The following CLIP1 variants were observed in gnomAD, a reference collection of about 807,000 sequenced individuals.
CLIP1 encodes the protein CAP-Gly domain-containing linker protein 1.
Under a neutral mutation model 161.6 loss-of-function variants are expected in CLIP1, and 66 were observed. That is an observed-to-expected ratio of 0.41 (90% CI 0.33 to 0.50). The LOEUF is 0.50. Among genes scored for constraint, CLIP1 ranks in the 20% least tolerant of loss-of-function variants. The pLI is 0.27. For missense variants in CLIP1, 1,376 were observed against 1,702.0 expected (o/e 0.81, Z 3.37); for synonymous variants, 598 against 626.2 (o/e 0.96, Z 0.67).
rs932422634 is a variant in CLIP1, at chr12:122,341,771, T to C, written c.1507-74A>G. The C allele has an allele frequency of 8.1e-4, 371 of 458,940 alleles. 1 individual carries two copies. Among genetic ancestry groups the C allele is most frequent in the Non-Finnish European group, 1.6e-4 (56 of 347,870 alleles). The allele number at this position is 458,940 out of a possible 1,614,324, so 28.4% of individuals were successfully genotyped here. A position where few individuals can be genotyped will look rare whatever the true frequency, so the allele number is the denominator to read the frequency against. On this transcript the variant is annotated intron_variant, in intron 10 of 25. Transcript: ENST00000620786. ...TTGACTATTTTCTTTTCTTTTTTTT[T>C]TTTTTTTTTTTTTTTTTTTTTTTTT...
At chr12:122,334,497 A>G in intron 13 of CLIP1, 151 bp downstream of exon 13, 1 of 607,832 alleles carries the variant, frequency 1.6e-6, no homozygotes, top group East Asian at 2.8e-5. Flanking sequence ...CAGGAAACCA[A>G]TGGAAGCCAG....
chr12:122,382,682 G>A (rs1159455990), intron 1 of CLIP1, among the ~76,000 whole-genome samples: 1 of 151,852 alleles, frequency 6.6e-6, no homozygotes, highest in East Asian at 1.9e-4. Flanking sequence ...TCCACCCTAG[G>A]TGGTAGAGTG....
intron 20 of CLIP1, among the ~76,000 whole-genome samples, chr12:122,294,636 G>A (rs548652041): frequency 5.1e-4 from 77 of 152,154 alleles, no homozygotes; most frequent in African/African-American, 1.6e-3. Context: ...TGACACAGAC[G>A]CCTGTAGTCC....
chr12:122,278,580 G>A, intron 23 of CLIP1: 1 of 543,750 alleles, frequency 1.8e-6, no homozygotes, highest in East Asian at 3.0e-5. Flanking sequence ...CATCATAGTA[G>A]GTTTGTGACA....
chr12:122,422,583 GCCGCCTC>G lies in CLIP1; in HGVS notation c.-176_-170del, dbSNP rs977497746. On this transcript the variant is annotated 5_prime_UTR_variant, in exon 1 of 26. Coordinates refer to ENST00000620786, the MANE Select transcript of CLIP1 (RefSeq NM_001247997.2). Reference sequence around the variant, plus strand: ...TGCAGCAGCAGCAGCCGCCGCGGCCGCCGCCTCCCGCCTCCCGGCTCGTCGGCTCGGG... The same window carrying G: ...TGCAGCAGCAGCAGCCGCCGCGGCCGCCGCCTCCCGGCTCGTCGGCTCGGG... The G allele has an allele frequency of 4.0e-5, 6 of 149,594 alleles. No homozygotes were observed. Among genetic ancestry groups the G allele is most frequent in the African/African-American group, 9.8e-5 (4 of 40,876 alleles). The allele number at this position is 149,594 out of a possible 1,614,324, so 9.3% of individuals were successfully genotyped here.
Position 122,323,461 on chromosome 12 carries a change from G to A in CLIP1, c.3250-4113C>T, listed in dbSNP as rs932238854. The A allele has an allele frequency of 6.6e-6, 1 of 152,636 alleles. No homozygotes were observed. The highest frequency in any genetic ancestry group is 1.5e-5 in the Non-Finnish European group (1 of 68,064). The allele number at this position is 152,636 out of a possible 1,614,324, so 9.5% of individuals were successfully genotyped here. A position where few individuals can be genotyped will look rare whatever the true frequency, so the allele number is the denominator to read the frequency against. On this transcript the variant is annotated intron_variant, in intron 17 of 25. Coordinates refer to ENST00000620786, the MANE Select transcript of CLIP1 (RefSeq NM_001247997.2). This position sits in a 1 kb window ranked among gnomAD's most constrained non-coding sequence, Gnocchi z 4.1. ...CCTTAATTTCCTCCAAGAGCTTCGT[G>A]AGGCTTGTGTTTGCGGCCTCGAGTT...
intron 12 of CLIP1, among the ~76,000 whole-genome samples, chr12:122,335,754 C>T (rs1229928982): frequency 2.0e-5 from 3 of 151,810 alleles, no homozygotes; most frequent in Non-Finnish European, 2.9e-5. Flanking sequence ...CTGCAGTGAG[C>T]CGAGATCGCG....
At position 122,341,301 on chromosome 12, in the gene CLIP1, G is replaced by A; in HGVS notation, c.1903C>T (p.Gln635Ter). The change falls in exon 11 of 26, where the codon CAG becomes TAG. Residue 635 changes from glutamine (Q) to a stop codon, truncating the protein, a stop_gained. Transcript: ENST00000620786. LOFTEE classifies it high-confidence loss of function. The part of the protein sequence containing the change: ...SKLETAIASH[Q>*]QAMEELKVSF... ...ACCTTCAGTTCTTCCATCGCCTGCT[G>A]GTGGGATGCGATGGCAGTCTCCAGT... is the stretch of plus-strand genomic sequence containing the variant. 6.2e-7 allele frequency: 1 copy of A among 1,613,938 alleles called. No individual in the cohort carries two copies.
intron 20 of CLIP1, among the ~76,000 whole-genome samples, chr12:122,300,081 G>A (rs1482624513): frequency 6.6e-6 from 1 of 152,152 alleles, no homozygotes; most frequent in East Asian, 1.9e-4. Context: ...ATCATAGCGA[G>A]ACCCTTCTCT....
intron 20 of CLIP1, among the ~76,000 whole-genome samples, chr12:122,296,978 T>G (rs772412126): frequency 2.6e-5 from 4 of 152,204 alleles, no homozygotes; most frequent in Non-Finnish European, 4.4e-5. Flanking sequence ...ACACAGAGAT[T>G]CATTGTACTG....
Position 122,309,866 on chromosome 12 carries a change from C to A in CLIP1, c.3490G>T (p.Ala1164Ser). 6.2e-7 allele frequency: 1 copy of A among 1,614,098 alleles called. No homozygotes were observed. The highest frequency in any genetic ancestry group is 8.5e-7 in the Non-Finnish European group (1 of 1,180,032). Reference sequence around the variant, plus strand: ...AGCTGCTGGGACTTCTGAGCTGCTGCCTGCTTTAGGGTTTCTCTGCAAGGA... The same window carrying A: ...AGCTGCTGGGACTTCTGAGCTGCTGACTGCTTTAGGGTTTCTCTGCAAGGA... ...FRKEIETLKQAAAQKSQQLSA... is the reference protein window; with the variant it reads ...FRKEIETLKQSAAQKSQQLSA... The change falls in exon 20 of 26, where the codon GCA becomes TCA. Residue 1164 changes from alanine (A) to serine (S), a missense_variant. Ala to Ser is a moderately conservative substitution (Grantham distance 99). Around this residue, in one of 6 missense-constraint regions of CLIP1, gnomAD observed 948 missense variants for 1,134.8 expected, o/e 0.84. Transcript: ENST00000620786.
intron 1 of CLIP1, 130 bp downstream of exon 1, chr12:122,422,380 GGCGCGCGAGGC>G (rs1956981989): frequency 6.6e-6 from 1 of 151,582 alleles, no homozygotes; most frequent in African/African-American, 2.4e-5. Flanking sequence ...GGACGGCTCC[GGCGCGCGAGGC>G]TCGGCCCCGC....
At chr12:122,341,821 T>G in intron 10 of CLIP1, 124 bp from the exon 11 acceptor site, 1 of 616,796 alleles carries the variant, frequency 1.6e-6, no homozygotes, top group East Asian at 3.4e-5. Context: ...TTCGCTCTTC[T>G]TACCCAGGCT....
chr12:122,383,360 A>G (rs1955092871), intron 1 of CLIP1, among the ~76,000 whole-genome samples: 1 of 152,240 alleles, frequency 6.6e-6, no homozygotes, highest in African/African-American at 2.4e-5. Flanking sequence ...ACAAGACCTA[A>G]CAAGGGAACT....
chr12:122,412,186 AGCCTCCTGAGTAGCT>A (rs986290684), intron 1 of CLIP1, among the ~76,000 whole-genome samples: 1 of 148,924 alleles, frequency 6.7e-6, no homozygotes, highest in African/African-American at 2.5e-5. Flanking sequence ...CTCCCACCTC[AGCCTCCTGAGTAGCT>A]GAGACCACAG....
At chr12:122,413,020 C>G (rs1956598745) in intron 1 of CLIP1, among the ~76,000 whole-genome samples, 1 of 152,112 alleles carries the variant, frequency 6.6e-6, no homozygotes, top group Non-Finnish European at 1.5e-5. Context: ...TTTTCAGAAA[C>G]CCAGGCAATA....
In CLIP1 at chr12:122,323,652, G is replaced by C. The variant is rs550845034; in HGVS notation, c.3249+4295C>G. 4.6e-5 allele frequency: 7 copies of C among 152,776 alleles called. No homozygotes were observed. In the East Asian group the frequency reaches 1.3e-3, roughly 29 times the overall value. 9.5% of individuals were successfully genotyped at this position (152,776 alleles called of 1,614,324 possible). A position where few individuals can be genotyped will look rare whatever the true frequency, so the allele number is the denominator to read the frequency against. On this transcript the variant is annotated intron_variant, in intron 17 of 25. Transcript: ENST00000620786. This position sits in a 1 kb window ranked among gnomAD's most constrained non-coding sequence, Gnocchi z 4.1. ...AGCAGCATGTCCGTCTCTAACTGCA[G>C]ATTTCTGTTGTTCTGAAGAACATTA...
At chr12:122,389,880 C>T (rs1178706566) in intron 1 of CLIP1, among the ~76,000 whole-genome samples, 1 of 148,828 alleles carries the variant, frequency 6.7e-6, no homozygotes, top group African/African-American at 2.5e-5. Context: ...AGGGGGGGCC[C>T]GGTGGGAGGT....
chr12:122,325,420 TGTG>T (rs548661332), intron 17 of CLIP1, among the ~76,000 whole-genome samples: 100 of 152,242 alleles, frequency 6.6e-4, no homozygotes, highest in Middle Eastern at 3.4e-3. Flanking sequence ...GCACCTGAAA[TGTG>T]GTGAGTGCAA....
Sources: allele counts gnomAD v4.1 joint callset (sites outside exome capture counted in the v4.1 genomes callset), GRCh38; gene constraint gnomAD v4.1.1; regional missense constraint gnomAD v4.1.1; non-coding constraint Gnocchi (gnomAD v3.1); transcripts MANE v1.5; gene names NCBI Gene and HGNC (gene_info 2026-07-23, HGNC 2026-07-21).